The following ATXN7 variants were observed in gnomAD, a reference collection of about 807,000 sequenced individuals.
ATXN7 encodes ataxin-7.
ATXN7 carries 12 observed loss-of-function variants against 70.5 expected under a neutral mutation model. That is an observed-to-expected ratio of 0.17 (90% CI 0.11 to 0.28). The LOEUF (loss-of-function observed/expected upper bound fraction) is 0.28. ATXN7 is among the 10% of genes least tolerant of loss of function. The probability of loss-of-function intolerance (pLI) is 1.00; values close to 1 mark genes in which losing one functional copy is unlikely to be tolerated. For synonymous variants in ATXN7, 498 were observed against 448.7 expected, an observed-to-expected ratio of 1.11 and a Z score of -1.39; for missense variants, 1,256 against 1,131.7, an observed-to-expected ratio of 1.11 and a Z score of -1.58.
At chr3:63,972,743 C>G (rs2075331893) in intron 5 of ATXN7, among the ~76,000 whole-genome samples, 1 of 152,192 alleles carries the variant, frequency 6.6e-6, no homozygotes, top group East Asian at 1.9e-4. Context: ...CTCCCCTGAG[C>G]TCCTATCTTA....
intron 5 of ATXN7, among the ~76,000 whole-genome samples, chr3:63,965,193 G>A (rs1434789616): frequency 6.6e-6 from 1 of 152,114 alleles, no homozygotes; most frequent in Non-Finnish European, 1.5e-5. Flanking sequence ...CTCCTTGGTT[G>A]TAATCATAAT....
intron 4 of ATXN7, among the ~76,000 whole-genome samples, chr3:63,936,768 A>G (rs2074669533): frequency 6.6e-6 from 1 of 152,198 alleles, no homozygotes; most frequent in Non-Finnish European, 1.5e-5. Context: ...AGATTGTAAC[A>G]TAATGAAAGA....
chr3:63,995,774 C>T lies in ATXN7; in HGVS notation c.1952C>T (p.Ser651Leu). The T allele has an allele frequency of 6.2e-7, 1 of 1,614,250 alleles. No individual in the cohort carries two copies. The highest frequency in any genetic ancestry group is 8.5e-7 in the Non-Finnish European group (1 of 1,180,048). ...MQSRQVSSSS[S>L]SPSTPSGLSS... ...TCCAGACAAGTGTCCTCTTCATCCTCATCCCCTTCCACGCCCTCTGGCCTT... is the reference window on the plus strand; with the variant it reads ...TCCAGACAAGTGTCCTCTTCATCCTTATCCCCTTCCACGCCCTCTGGCCTT... Residue 651 changes from serine to leucine, a missense_variant, in exon 12 of 13, where the codon TCA becomes TTA. Coordinates refer to ENST00000674280, the MANE Select transcript of ATXN7 (RefSeq NM_001377405.1).
chr3:63,934,549 G>C (rs1446164653), intron 4 of ATXN7, among the ~76,000 whole-genome samples: 2 of 152,148 alleles, frequency 1.3e-5, no homozygotes, highest in Non-Finnish European at 2.9e-5. Context: ...AATAGAGAGT[G>C]AATTGAGGAG....
intron 1 of ATXN7, among the ~76,000 whole-genome samples, chr3:63,870,338 G>T (rs1317595112): frequency 6.6e-6 from 1 of 152,066 alleles, no homozygotes; most frequent in African/African-American, 2.4e-5. Flanking sequence ...CAGAATCCTT[G>T]CCTAGAATAT....
chr3:63,926,841 G>A (rs1009725315), intron 4 of ATXN7, among the ~76,000 whole-genome samples: 1 of 152,012 alleles, frequency 6.6e-6, no homozygotes, highest in Non-Finnish European at 1.5e-5. Flanking sequence ...ACAGGCTCCA[G>A]TGTGTCATGT....
chr3:63,892,550 T>G (rs1338677308), intron 1 of ATXN7, among the ~76,000 whole-genome samples: 1 of 151,862 alleles, frequency 6.6e-6, no homozygotes, highest in Non-Finnish European at 1.5e-5. Context: ...GGACTTTAAT[T>G]TGCCTCTTAT....
At chr3:63,925,007 T>G (rs1266870351) in intron 4 of ATXN7, among the ~76,000 whole-genome samples, 1 of 151,994 alleles carries the variant, frequency 6.6e-6, no homozygotes, top group Non-Finnish European at 1.5e-5. Flanking sequence ...GTACCTTGAG[T>G]TGGAAAAAGG....
intron 8 of ATXN7, among the ~76,000 whole-genome samples, chr3:63,987,483 C>G (rs2106778037): frequency 6.6e-6 from 1 of 152,300 alleles, no homozygotes; most frequent in East Asian, 1.9e-4. Flanking sequence ...TCCAGTGCTC[C>G]TTGGCTGTGG....
intron 12 of ATXN7, chr3:63,998,193 G>T: frequency 1.9e-6 from 1 of 539,388 alleles, no homozygotes; most frequent in Non-Finnish European, 2.1e-6. Flanking sequence ...GTAACAAAAA[G>T]GACAGAAGGG....
intron 2 of ATXN7, among the ~76,000 whole-genome samples, chr3:63,899,830 G>A (rs1703567806): frequency 6.6e-6 from 1 of 152,078 alleles, no homozygotes; most frequent in Non-Finnish European, 1.5e-5. Flanking sequence ...TGTTAGCCAA[G>A]ATGGTCTCGA....
chr3:63,996,443 C>T lies in ATXN7; in HGVS notation c.2621C>T (p.Pro874Leu), dbSNP rs752809067. 9.3e-6 allele frequency: 15 copies of T among 1,614,030 alleles called. No homozygotes were observed. Among genetic ancestry groups the T allele is most frequent in the Non-Finnish European group, 1.1e-5 (13 of 1,180,034 alleles). Residue 874 changes from proline (P) to leucine (L), a missense_variant, in exon 12 of 13, where the codon CCA (proline) becomes CTA (leucine). Coordinates refer to ENST00000674280, the MANE Select transcript of ATXN7 (RefSeq NM_001377405.1). ...NVHMKHTGTI[P>L]GAQGLMNSSL... ...CACATGAAACACACAGGCACCATCCCAGGGGCACAAGGACTGATGAACAGT... is the reference window on the plus strand; with the variant it reads ...CACATGAAACACACAGGCACCATCCTAGGGGCACAAGGACTGATGAACAGT...
intron 5 of ATXN7, among the ~76,000 whole-genome samples, chr3:63,974,339 C>T (rs907592139): frequency 3.3e-5 from 5 of 152,242 alleles, no homozygotes; most frequent in Non-Finnish European, 7.3e-5. Context: ...GACTTGTACA[C>T]TAACAACCTG....
chr3:63,974,726 G>A (rs2075364269), intron 5 of ATXN7, among the ~76,000 whole-genome samples: 1 of 152,236 alleles, frequency 6.6e-6, no homozygotes, highest in African/African-American at 2.4e-5. Context: ...AGTAGCAGCT[G>A]TTGTTGATGT....
At chr3:63,875,374 G>A (rs1473231171) in intron 1 of ATXN7, among the ~76,000 whole-genome samples, 1 of 152,122 alleles carries the variant, frequency 6.6e-6, no homozygotes, top group Non-Finnish European at 1.5e-5. Flanking sequence ...TTACAGGTGT[G>A]AGCCACTGTG....
chr3:63,870,710 A>G (rs1482270152), intron 1 of ATXN7, among the ~76,000 whole-genome samples: 2 of 152,076 alleles, frequency 1.3e-5, no homozygotes, highest in Non-Finnish European at 2.9e-5. Context: ...TGTTCCTATT[A>G]ATCCTTCTTT....
In ATXN7 at chr3:63,950,417, A is replaced by G. The variant is rs547171096; in HGVS notation, c.395-1962A>G. 4.2e-3 allele frequency among the ~76,000 whole-genome samples: 641 copies of G among 152,300 alleles called. 5 individuals carry two copies. The highest frequency in any genetic ancestry group is 0.014 in the African/African-American group (584 of 41,558). ...AGCACATTGCAGAGACCTAAAACTA[A>G]ACTAACACTGTTTATTTAATACTGT... On this transcript the variant is annotated intron_variant, in intron 4 of 12. Coordinates refer to ENST00000674280, the MANE Select transcript of ATXN7 (RefSeq NM_001377405.1).
chr3:63,970,805 T>C lies in ATXN7; in HGVS notation c.500-9110T>C, dbSNP rs79528433. On this transcript the variant is annotated intron_variant, in intron 5 of 12. Coordinates refer to ENST00000674280, the MANE Select transcript of ATXN7 (RefSeq NM_001377405.1). ...GCCCTTTGTGATCTGTTCTCTTTCA[T>C]GCAGCCAGTGTGAATGGGTATGCTG... Among the ~76,000 whole-genome samples, 492 of 152,332 alleles carry C rather than the reference T, an allele frequency of 3.2e-3. 3 individuals carry two copies. Among genetic ancestry groups the C allele is most frequent in the African/African-American group, 0.011 (473 of 41,574 alleles).
chr3:63,968,409 A>C (rs142923580), intron 5 of ATXN7: 1 of 156,468 alleles, frequency 6.4e-6, no homozygotes, highest in Non-Finnish European at 1.4e-5. Context: ...CTCTCTCTAA[A>C]AATGGAGGAA....
Sources: gnomAD v4.1 joint callset for allele counts (sites outside exome capture counted in the v4.1 genomes callset) on GRCh38, gnomAD v4.1.1 for gene constraint, MANE v1.5 for transcripts, NCBI Gene and HGNC (gene_info 2026-07-23, HGNC 2026-07-21) for gene names.